The following RGS6 variants were observed in gnomAD, a reference collection of about 807,000 sequenced individuals.
RGS6 encodes the protein regulator of G protein signaling 6.
Under a neutral mutation model 78.5 loss-of-function variants are expected in RGS6, and 30 were observed. The observed-to-expected ratio is 0.38, with a 90% confidence interval of 0.29 to 0.52. RGS6 has a LOEUF of 0.52. Ranked by LOEUF, RGS6 falls within the 20% of genes least tolerant of loss-of-function variation. RGS6 has a pLI of 0.85. For synonymous variants in RGS6, 206 were observed against 206.0 expected (o/e 1.00, Z 0.00); for missense variants, 495 against 609.7 (o/e 0.81, Z 1.98).
At chr14:72,314,199 G>A (rs2069410842) in intron 2 of RGS6, among the ~76,000 whole-genome samples, 1 of 152,166 alleles carries the variant, frequency 6.6e-6, no homozygotes, top group South Asian at 2.1e-4. Flanking sequence ...TGGAAGTTGG[G>A]GAGAGGTTCC....
chr14:72,057,022 G>C (rs2093649234), intron 2 of RGS6, among the ~76,000 whole-genome samples: 1 of 151,992 alleles, frequency 6.6e-6, no homozygotes, highest in African/African-American at 2.4e-5. Context: ...GTCCTCTTAA[G>C]AATGTTTGCG....
the RGS6 span, among the ~76,000 whole-genome samples, chr14:72,629,995 G>A: frequency 6.6e-6 from 1 of 152,148 alleles, no homozygotes; most frequent in African/African-American, 2.4e-5. Flanking sequence ...GTAACCAGTT[G>A]ATGAAGATGG....
chr14:72,342,966 G>C (rs1033550967), intron 2 of RGS6, among the ~76,000 whole-genome samples: 1 of 152,182 alleles, frequency 6.6e-6, no homozygotes, highest in Non-Finnish European at 1.5e-5. Flanking sequence ...GAGAGCTGCA[G>C]AGTTTGGGGA....
chr14:71,978,449 TTTA>T (rs1407534431), intron 2 of RGS6, among the ~76,000 whole-genome samples: 2 of 52,620 alleles, frequency 3.8e-5, no homozygotes, highest in Non-Finnish European at 7.5e-5. Context: ...CAATACCTAA[TTTA>T]TTGAGAGTTT....
At chr14:72,619,898 A>G in the RGS6 span, 1 of 1,530,100 alleles carries the variant, frequency 6.5e-7, no homozygotes, top group Non-Finnish European at 8.7e-7. Flanking sequence ...CTTCATCATC[A>G]TTACCTTCTG....
intron 2 of RGS6, among the ~76,000 whole-genome samples, chr14:72,277,191 A>C (rs552713041): frequency 3.9e-4 from 60 of 152,328 alleles, no homozygotes; most frequent in South Asian, 1.9e-3. Flanking sequence ...GTGCATTCAC[A>C]ATAGTTTAAA....
chr14:71,982,041 C>A (rs949669984), intron 2 of RGS6, among the ~76,000 whole-genome samples: 1 of 152,016 alleles, frequency 6.6e-6, no homozygotes, highest in Non-Finnish European at 1.5e-5. Context: ...TGGGAGTGAC[C>A]CGATTTTCCA....
At chr14:72,443,126 GT>G (rs1166013918) in intron 3 of RGS6, among the ~76,000 whole-genome samples, 1 of 152,194 alleles carries the variant, frequency 6.6e-6, no homozygotes. Context: ...ACAGCTTCCA[GT>G]TTCGGCAGAT....
At chr14:72,046,464 G>A (rs576883669) in intron 2 of RGS6, among the ~76,000 whole-genome samples, 7 of 152,066 alleles carry the variant, frequency 4.6e-5, no homozygotes, top group South Asian at 2.1e-4. Context: ...CAAGGTTTTC[G>A]TTTTGTTTTT....
intron 2 of RGS6, among the ~76,000 whole-genome samples, chr14:72,068,082 T>A (rs2153450074): frequency 6.6e-6 from 1 of 152,224 alleles, no homozygotes; most frequent in Non-Finnish European, 1.5e-5. Context: ...GTTTAAATCC[T>A]GGGAAAGTGA....
chr14:71,890,334 C>CTG, the RGS6 span, among the ~76,000 whole-genome samples: 1 of 132,542 alleles, frequency 7.5e-6, no homozygotes, highest in East Asian at 2.2e-4. Flanking sequence ...AGATAGTTTG[C>CTG]TGTGTGTGTG....
At position 71,974,956 on chromosome 14, in the gene RGS6, A is replaced by G. The variant is rs371942821; in HGVS notation, c.84+10081A>G. Among the ~76,000 whole-genome samples, 12 of 152,328 alleles carry G rather than the reference A, an allele frequency of 7.9e-5. No homozygotes were observed. In the South Asian group the frequency reaches 2.3e-3, roughly 29 times the overall value. On this transcript the variant is annotated intron_variant, in intron 2 of 17. Coordinates refer to ENST00000553525, the MANE Select transcript of RGS6 (RefSeq NM_001204424.2). Reference sequence around the variant, plus strand: ...AGAGTTTGAGGCCAGTCTGGGTAACATAGGGAGACAACATCTCTACAAAAA... The same window carrying G: ...AGAGTTTGAGGCCAGTCTGGGTAACGTAGGGAGACAACATCTCTACAAAAA...
intron 3 of RGS6, among the ~76,000 whole-genome samples, chr14:72,411,615 T>C (rs1369167032): frequency 1.3e-5 from 2 of 151,968 alleles, no homozygotes; most frequent in African/African-American, 2.4e-5. Flanking sequence ...TGAATAGGAG[T>C]GGTGAGAGAG....
In RGS6 at chr14:72,465,846, T is replaced by C. The variant is rs748068782; in HGVS notation, c.459+24T>C. On this transcript the variant is annotated intron_variant, in intron 7 of 17. Transcript: ENST00000553525. ...CAGTAAGTATGATTATTTTCCAGGA[T>C]ACATATAAGAAGAGAGTAAAATCAT... 1.5e-4 allele frequency: 241 copies of C among 1,591,240 alleles called. 2 individuals are homozygous for C. In the South Asian group the frequency reaches 2.4e-3, roughly 16 times the overall value.
At chr14:72,595,825 G>T in the RGS6 span, among the ~76,000 whole-genome samples, 7,687 of 152,208 alleles carry the variant, frequency 0.051, 692 homozygotes, top group African/African-American at 0.18. Context: ...ACCATCATAC[G>T]GTTGCAAACC....
chr14:72,138,112 A>G (rs1049615849), intron 2 of RGS6, among the ~76,000 whole-genome samples: 1 of 152,168 alleles, frequency 6.6e-6, no homozygotes, highest in African/African-American at 2.4e-5. Context: ...ATAAATCACA[A>G]TATCACACCT....
intron 3 of RGS6, among the ~76,000 whole-genome samples, chr14:72,370,873 G>T (rs1292578405): frequency 1.3e-5 from 2 of 152,124 alleles, no homozygotes; most frequent in South Asian, 4.1e-4. Flanking sequence ...AAAGTAATTT[G>T]AAGTCAGTTC....
the RGS6 span, among the ~76,000 whole-genome samples, chr14:71,888,762 C>T: frequency 6.6e-6 from 1 of 152,116 alleles, no homozygotes; most frequent in South Asian, 2.1e-4. Context: ...TTCAAGAGGA[C>T]CTACATTGGT....
chr14:71,984,362 G>C (rs922009086), intron 2 of RGS6, among the ~76,000 whole-genome samples: 1 of 149,212 alleles, frequency 6.7e-6, no homozygotes, highest in Non-Finnish European at 1.5e-5. Flanking sequence ...GTTAGTGTGA[G>C]AGCTGGGTGT....
Sources: allele counts gnomAD v4.1 joint callset (sites outside exome capture counted in the v4.1 genomes callset), GRCh38; gene constraint gnomAD v4.1.1; transcripts MANE v1.5; gene names NCBI Gene and HGNC (gene_info 2026-07-23, HGNC 2026-07-21).